The following TMC1 variants were observed in gnomAD, a reference collection of about 807,000 sequenced individuals.
TMC1 encodes the protein transmembrane channel-like protein 1.
In TMC1, 84 loss-of-function variants were observed where a neutral mutation model predicts 105.8. That is an observed-to-expected ratio of 0.79 (90% CI 0.67 to 0.95). The LOEUF (loss-of-function observed/expected upper bound fraction) is 0.95, where lower values mean the gene tolerates loss of function less well. Ranked by LOEUF, TMC1 falls within the 40% of genes least tolerant of loss-of-function variation. The probability of loss-of-function intolerance (pLI) is 0.00; values close to 1 mark genes in which losing one functional copy is unlikely to be tolerated. For synonymous variants in TMC1, 315 were observed against 311.5 expected, an observed-to-expected ratio of 1.01 and a Z score of -0.12; for missense variants, 817 against 914.1, an observed-to-expected ratio of 0.89 and a Z score of 1.37.
chr9:72,530,214 TG>T (rs917275649), intron 1 of TMC1, among the ~76,000 whole-genome samples: 7 of 152,286 alleles, frequency 4.6e-5, no homozygotes, highest in Non-Finnish European at 1.0e-4. Flanking sequence ...AGTCTCACTC[TG>T]TTGCCCAGGC....
intron 1 of TMC1, among the ~76,000 whole-genome samples, chr9:72,546,974 A>G (rs1395956540): frequency 1.3e-5 from 2 of 152,150 alleles, no homozygotes; most frequent in African/African-American, 2.4e-5. Context: ...AGCATGGTCC[A>G]TCCGTGAATC....
At chr9:72,654,042 A>C (rs140130574) in intron 5 of TMC1, among the ~76,000 whole-genome samples, 2,070 of 152,284 alleles carry the variant, frequency 0.014, 51 homozygotes, top group African/African-American at 0.046. Context: ...CAGTTAATGG[A>C]CATTCCAGTT....
At chr9:72,777,325 C>T (rs1389429205) in intron 13 of TMC1, among the ~76,000 whole-genome samples, 1 of 151,934 alleles carries the variant, frequency 6.6e-6, no homozygotes, top group African/African-American at 2.4e-5. Context: ...TTTTCTTTGT[C>T]GAAGGAATTT....
At chr9:72,646,084 A>G (rs1164014942) in intron 4 of TMC1, among the ~76,000 whole-genome samples, 1 of 152,220 alleles carries the variant, frequency 6.6e-6, no homozygotes, top group Admixed American at 6.5e-5. Flanking sequence ...TTACTGCTAT[A>G]TCACACTCTG....
chr9:72,694,726 C>T lies in TMC1; in HGVS notation c.236+12C>T, dbSNP rs532289573. 1.2e-5 allele frequency: 19 copies of T among 1,598,926 alleles called. No individual in the cohort carries two copies. In the South Asian group the frequency reaches 1.9e-4, roughly 16 times the overall value. ...CTAAAGAGAGGAGCGTAAGTTAGTT[C>T]TGATATTCTTTCAAAAGTTCCAATG... On this transcript the variant is annotated intron_variant, in intron 7 of 23. Coordinates refer to ENST00000297784, the MANE Select transcript of TMC1 (RefSeq NM_138691.3).
chr9:72,561,375 T>C (rs909527482), intron 1 of TMC1, among the ~76,000 whole-genome samples: 1 of 151,734 alleles, frequency 6.6e-6, no homozygotes, highest in African/African-American at 2.4e-5. Flanking sequence ...CATTTAGATT[T>C]CTATTATTCT....
At chr9:72,625,939 G>C (rs1430890582) in intron 3 of TMC1, among the ~76,000 whole-genome samples, 1 of 152,180 alleles carries the variant, frequency 6.6e-6, no homozygotes, top group Non-Finnish European at 1.5e-5. Flanking sequence ...GCTTAGCTGT[G>C]AATGTCAGAT....
In TMC1 at chr9:72,742,575, C is replaced by T. The variant is rs1827408920; in HGVS notation, c.535+50C>T. ...GGAGAAGGTTGTCTTAGAGAAGTAT[C>T]TCATAAGCTTATCAGATGCCTTTGT... On this transcript the variant is annotated intron_variant, in intron 10 of 23. Coordinates refer to ENST00000297784, the MANE Select transcript of TMC1 (RefSeq NM_138691.3). 1.4e-6 allele frequency: 2 copies of T among 1,456,176 alleles called. 1 individual carries two copies. Among genetic ancestry groups the T allele is most frequent in the East Asian group, 4.5e-5 (2 of 44,094 alleles). The allele number at this position is 1,456,176 out of a possible 1,614,324, so 90.2% of individuals were successfully genotyped here. A position where few individuals can be genotyped will look rare whatever the true frequency, so the allele number is the denominator to read the frequency against.
At chr9:72,775,847 G>T (rs1284916070) in intron 13 of TMC1, among the ~76,000 whole-genome samples, 1 of 152,136 alleles carries the variant, frequency 6.6e-6, no homozygotes, top group African/African-American at 2.4e-5. Flanking sequence ...AGATCACGAT[G>T]GTGAGATAGG....
intron 4 of TMC1, 189 bp downstream of exon 4, chr9:72,628,252 T>TA: frequency 3.3e-6 from 1 of 302,844 alleles, no homozygotes; most frequent in South Asian, 2.7e-5. Context: ...ATGTGGGACT[T>TA]AAAAACAGCT....
intron 17 of TMC1, among the ~76,000 whole-genome samples, chr9:72,797,048 T>C (rs1828383336): frequency 6.6e-6 from 1 of 152,050 alleles, no homozygotes; most frequent in African/African-American, 2.4e-5. Flanking sequence ...ATGTGCAAAA[T>C]TGCTCGCATT....
chr9:72,554,625 A>G (rs1255968519), intron 1 of TMC1, among the ~76,000 whole-genome samples: 5 of 152,222 alleles, frequency 3.3e-5, no homozygotes, highest in Non-Finnish European at 7.3e-5. Context: ...TAGTTTCAGC[A>G]GTGAAAGTCA....
chr9:72,770,802 CAGG>C (rs1564543462), intron 12 of TMC1, among the ~76,000 whole-genome samples: 1 of 152,042 alleles, frequency 6.6e-6, no homozygotes, highest in Non-Finnish European at 1.5e-5. Context: ...ACTCTGAGGG[CAGG>C]AGGAGATGAG....
At position 72,584,784 on chromosome 9, in the gene TMC1, CTTTTT is replaced by C. The variant is rs71357591; in HGVS notation, c.-306+6775_-306+6779del. ...GTAGTTCTCCTTTTTCTTTTCTTTT[CTTTTT>C]TTTTTTTTTTTTTGAGACAGGGTCT... is the stretch of plus-strand genomic sequence containing the variant. On this transcript the variant is annotated intron_variant, in intron 2 of 23. Coordinates refer to ENST00000297784, the MANE Select transcript of TMC1 (RefSeq NM_138691.3). Among the ~76,000 whole-genome samples the C allele has an allele frequency of 1.2e-4, 14 of 112,988 alleles. 1 individual carries two copies. The highest frequency in any genetic ancestry group is 6.0e-4 in the South Asian group (2 of 3,316). The allele number at this position is 112,988 out of a possible 152,430, so 74.1% of individuals were successfully genotyped here. A position where few individuals can be genotyped will look rare whatever the true frequency, so the allele number is the denominator to read the frequency against.
chr9:72,671,099 CAAAG>C (rs1177812317), intron 5 of TMC1, among the ~76,000 whole-genome samples: 1 of 152,104 alleles, frequency 6.6e-6, no homozygotes, highest in Non-Finnish European at 1.5e-5. Context: ...AAAGAAGACT[CAAAG>C]AAACAGATCT....
chr9:72,586,570 A>G (rs1824557286), intron 2 of TMC1, among the ~76,000 whole-genome samples: 1 of 152,198 alleles, frequency 6.6e-6, no homozygotes, highest in South Asian at 2.1e-4. Context: ...AGGTTGCTTA[A>G]TGAGAGGTGT....
At chr9:72,696,871 A>T (rs1588036695) in intron 7 of TMC1, among the ~76,000 whole-genome samples, 1 of 152,210 alleles carries the variant, frequency 6.6e-6, no homozygotes, top group South Asian at 2.1e-4. Context: ...CCATTCTTGC[A>T]CAGATTAGCC....
chr9:72,703,560 C>CT (rs1826680818), intron 8 of TMC1, among the ~76,000 whole-genome samples: 1 of 152,184 alleles, frequency 6.6e-6, no homozygotes, highest in Admixed American at 6.5e-5. Flanking sequence ...TGGGGCATTC[C>CT]TTTTTCAATT....
chr9:72,730,314 G>A (rs1827190173), intron 8 of TMC1, among the ~76,000 whole-genome samples: 1 of 152,152 alleles, frequency 6.6e-6, no homozygotes, highest in Admixed American at 6.5e-5. Context: ...CTGGTTTTGG[G>A]GAAGAACAAG....
Sources: allele counts gnomAD v4.1 joint callset (sites outside exome capture counted in the v4.1 genomes callset), GRCh38; gene constraint gnomAD v4.1.1; transcripts MANE v1.5; gene names NCBI Gene and HGNC (gene_info 2026-07-23, HGNC 2026-07-21).